KLF12: variants seen among roughly 807,000 people sequenced by gnomAD.
KLF12 encodes Krueppel-like factor 12.
In KLF12, 9 loss-of-function variants were observed where a neutral mutation model predicts 37.8. The observed-to-expected ratio is 0.24, with a 90% CI of 0.14 to 0.42. KLF12 has a LOEUF of 0.42. Among genes scored for constraint, KLF12 ranks in the 10% least tolerant of loss-of-function variants. KLF12 has a pLI of 1.00. For missense variants in KLF12, 411 were observed against 516.0 expected (o/e 0.80, Z 1.97); for synonymous variants, 208 against 202.1 (o/e 1.03, Z -0.25).
At chr13:74,281,798 T>G in the KLF12 span, among the ~76,000 whole-genome samples, 2 of 152,200 alleles carry the variant, frequency 1.3e-5, no homozygotes, top group Admixed American at 1.3e-4. Flanking sequence ...GCACAATAAT[T>G]CAATATCTCT....
the KLF12 span, among the ~76,000 whole-genome samples, chr13:74,304,045 C>T: frequency 6.6e-6 from 1 of 152,108 alleles, no homozygotes; most frequent in Non-Finnish European, 1.5e-5. Context: ...GCCCACTCTG[C>T]AGGCTAATGA....
At chr13:74,060,113 TC>T (rs1181322174) in intron 1 of KLF12, among the ~76,000 whole-genome samples, 1 of 152,184 alleles carries the variant, frequency 6.6e-6, no homozygotes, top group Non-Finnish European at 1.5e-5. Context: ...TCTCTATTGA[TC>T]TATGCATCTA....
chr13:73,912,978 T>C (rs934259850), intron 3 of KLF12, among the ~76,000 whole-genome samples: 5 of 101,990 alleles, frequency 4.9e-5, no homozygotes, highest in Non-Finnish European at 1.1e-4. Flanking sequence ...ACTTATCTCA[T>C]GCGTTACCTT....
the KLF12 span, among the ~76,000 whole-genome samples, chr13:74,151,435 G>C: frequency 6.6e-6 from 1 of 152,082 alleles, no homozygotes; most frequent in African/African-American, 2.4e-5. Context: ...CGGATTGCTT[G>C]ACCCCAGGAG....
intron 1 of KLF12, among the ~76,000 whole-genome samples, chr13:74,069,983 C>T (rs1010955138): frequency 1.3e-5 from 2 of 152,082 alleles, no homozygotes; most frequent in Non-Finnish European, 2.9e-5. Flanking sequence ...TGAAGCTGGC[C>T]CTCACCAGCT....
chr13:73,706,317 T>C (rs1056074886), intron 7 of KLF12, among the ~76,000 whole-genome samples: 3 of 152,162 alleles, frequency 2.0e-5, no homozygotes, highest in South Asian at 2.1e-4. Context: ...TTTCTAAATA[T>C]AGGAAAAAAG....
At chr13:74,051,705 TAGAA>T (rs904921559) in intron 1 of KLF12, among the ~76,000 whole-genome samples, 8 of 151,946 alleles carry the variant, frequency 5.3e-5, no homozygotes, top group Admixed American at 3.9e-4. Context: ...GGGATCAAGT[TAGAA>T]AGAAACAGAA....
chr13:73,764,105 C>T (rs1030011389), intron 6 of KLF12, among the ~76,000 whole-genome samples: 1 of 152,084 alleles, frequency 6.6e-6, no homozygotes, highest in Non-Finnish European at 1.5e-5. Context: ...TAAAAAAAGG[C>T]ATAGTTTTAA....
chr13:73,983,126 C>T (rs1891732482), intron 2 of KLF12, among the ~76,000 whole-genome samples: 1 of 152,098 alleles, frequency 6.6e-6, no homozygotes, highest in African/African-American at 2.4e-5. Context: ...CCCTGTCTAC[C>T]ATCACTCCTC....
At chr13:74,120,338 T>C (rs927943815) in intron 1 of KLF12, among the ~76,000 whole-genome samples, 2 of 152,056 alleles carry the variant, frequency 1.3e-5, no homozygotes. Context: ...AAAAATTAGC[T>C]AGGCGTGGTG....
chr13:74,223,382 T>G, the KLF12 span, among the ~76,000 whole-genome samples: 1 of 152,226 alleles, frequency 6.6e-6, no homozygotes, highest in African/African-American at 2.4e-5. Flanking sequence ...CTATTGTTTT[T>G]AGACTTCTAG....
the KLF12 span, among the ~76,000 whole-genome samples, chr13:74,239,959 G>A: frequency 6.6e-6 from 1 of 150,616 alleles, no homozygotes. Flanking sequence ...AGTTAATAGT[G>A]TTATGTGTGA....
chr13:74,100,106 G>A (rs576742495), intron 1 of KLF12, among the ~76,000 whole-genome samples: 100 of 152,214 alleles, frequency 6.6e-4, no homozygotes, highest in African/African-American at 1.9e-3. Context: ...CACGGACAGA[G>A]GGGTTGTGGG....
chr13:73,836,666 A>G (rs1884451913), intron 4 of KLF12, among the ~76,000 whole-genome samples: 1 of 152,348 alleles, frequency 6.6e-6, no homozygotes, highest in South Asian at 2.1e-4. Flanking sequence ...TAATAAGAAC[A>G]TAATTCCAGG....
intron 1 of KLF12, among the ~76,000 whole-genome samples, chr13:74,042,093 G>A (rs150665521): frequency 1.2e-3 from 178 of 151,982 alleles, no homozygotes; most frequent in Non-Finnish European, 2.0e-3. Flanking sequence ...CACTTTAGGT[G>A]AGGAGTTCAA....
chr13:74,186,389 G>C, the KLF12 span, among the ~76,000 whole-genome samples: 1 of 152,106 alleles, frequency 6.6e-6, no homozygotes, highest in Non-Finnish European at 1.5e-5. Flanking sequence ...CCAAAGTCCA[G>C]TGTTCAGGTG....
intron 1 of KLF12, among the ~76,000 whole-genome samples, chr13:74,109,320 T>A (rs901175794): frequency 5.3e-5 from 8 of 151,956 alleles, no homozygotes; most frequent in African/African-American, 1.7e-4. Context: ...TTTTTTTTTT[T>A]AAATAAGAGA....
At chr13:74,173,147 C>A in the KLF12 span, among the ~76,000 whole-genome samples, 2 of 152,192 alleles carry the variant, frequency 1.3e-5, 1 homozygote, top group Admixed American at 1.3e-4. Flanking sequence ...CAAATCAACT[C>A]CAATTCTGAG....
chr13:73,753,556 C>T (rs893395644), intron 6 of KLF12, among the ~76,000 whole-genome samples: 1 of 151,934 alleles, frequency 6.6e-6, no homozygotes, highest in Non-Finnish European at 1.5e-5. Context: ...AATACTGTGC[C>T]CCTAGAGCAC....
Sources: allele counts gnomAD v4.1 joint callset (sites outside exome capture counted in the v4.1 genomes callset), GRCh38; gene constraint gnomAD v4.1.1; transcripts MANE v1.5; gene names NCBI Gene and HGNC (gene_info 2026-07-23, HGNC 2026-07-21).